Variants in KIAA0319 observed in about 807,000 individuals in gnomAD.
KIAA0319 encodes the protein dyslexia-associated protein KIAA0319.
A neutral mutation model predicts 108.4 loss-of-function variants in KIAA0319; 83 were observed. That is an observed-to-expected ratio of 0.77 (90% confidence interval 0.64 to 0.92). The LOEUF (loss-of-function observed/expected upper bound fraction) is 0.92. KIAA0319 is among the 40% of genes least tolerant of loss of function. The pLI, the probability that KIAA0319 is intolerant of heterozygous loss-of-function variation, is 0.00. For missense variants in KIAA0319, 1,195 were observed against 1,322.4 expected (o/e 0.90, Z 1.49); for synonymous variants, 484 against 510.4 (o/e 0.95, Z 0.70).
chr6:24,579,039 T>C (rs1031268069), intron 8 of KIAA0319, among the ~76,000 whole-genome samples: 2 of 152,222 alleles, frequency 1.3e-5, no homozygotes, highest in African/African-American at 4.8e-5. Context: ...GCTTGCAAGA[T>C]AGGGCAGCTT....
intron 17 of KIAA0319, among the ~76,000 whole-genome samples, chr6:24,558,365 CTAGATAGATAGA>C (rs59328032): frequency 0.043 from 6,514 of 150,870 alleles, 295 homozygotes; most frequent in African/African-American, 0.11. Flanking sequence ...ATATATATAT[CTAGATAGATAGA>C]TAGATAGATA....
At chr6:24,615,959 A>T (rs1322130551) in intron 1 of KIAA0319, among the ~76,000 whole-genome samples, 1 of 152,200 alleles carries the variant, frequency 6.6e-6, no homozygotes, top group Non-Finnish European at 1.5e-5. Context: ...AAAAAATATT[A>T]TCAGAAATAT....
In KIAA0319 at chr6:24,547,091, G is replaced by C; in HGVS notation, c.*74C>G. 1 of 1,450,594 alleles carries C rather than the reference G, an allele frequency of 6.9e-7. No individual in the cohort carries two copies. Among genetic ancestry groups the C allele is most frequent in the Non-Finnish European group, 9.6e-7 (1 of 1,041,008 alleles). 89.9% of individuals were successfully genotyped at this position (1,450,594 alleles called of 1,614,324 possible). On this transcript the variant is annotated 3_prime_UTR_variant, in exon 21 of 21. Transcript: ENST00000378214. ...GGTCAATGAACTATTCTAAAAGAGTGGGTTTTGTGCTGTAACTCCCACTGA... is the reference window on the plus strand; with the variant it reads ...GGTCAATGAACTATTCTAAAAGAGTCGGTTTTGTGCTGTAACTCCCACTGA...
chr6:24,548,196 T>C (rs1022375027), intron 20 of KIAA0319, among the ~76,000 whole-genome samples: 3 of 152,158 alleles, frequency 2.0e-5, no homozygotes, highest in African/African-American at 7.2e-5. Context: ...GTTGCAGAAC[T>C]TTCTCCTTAG....
At chr6:24,638,511 A>G (rs1467228443) in intron 1 of KIAA0319, among the ~76,000 whole-genome samples, 2 of 152,214 alleles carry the variant, frequency 1.3e-5, no homozygotes, top group Non-Finnish European at 2.9e-5. Flanking sequence ...CTGTAATCCC[A>G]GCACTTTGGG....
chr6:24,557,810 G>A (rs1456914755), intron 17 of KIAA0319, among the ~76,000 whole-genome samples: 2 of 147,074 alleles, frequency 1.4e-5, no homozygotes, highest in Admixed American at 6.7e-5. Flanking sequence ...TGCTGTGGCT[G>A]GTCTCAAACT....
In KIAA0319 at chr6:24,565,991, C is replaced by T. The variant is rs191038813; in HGVS notation, c.2292+606G>A. On this transcript the variant is annotated intron_variant, in intron 14 of 20. Transcript: ENST00000378214. ...TCAAAGTGCTTCCAAGCTATGGTTTCCTGCCCCATCCAAAGTCTGTTCAGG... is the reference window on the plus strand; with the variant it reads ...TCAAAGTGCTTCCAAGCTATGGTTTTCTGCCCCATCCAAAGTCTGTTCAGG... Among the ~76,000 whole-genome samples the T allele has an allele frequency of 8.5e-5, 13 of 152,286 alleles. No individual in the cohort carries two copies. The East Asian group carries it at 1.7e-3, about 20-fold the overall frequency.
In KIAA0319 at chr6:24,580,964, G is replaced by T. The variant is rs779822807; in HGVS notation, c.1241C>A (p.Ala414Asp). Reference protein sequence around the residue: ...VFKVTVSSENAFGEGFVNVTV... With the variant: ...VFKVTVSSENDFGEGFVNVTV... ...GACATTGACAAATCCTTCTCCAAAGGCGTTTTCACTAGAAACAGTGACTTT... is the reference window on the plus strand; with the variant it reads ...GACATTGACAAATCCTTCTCCAAAGTCGTTTTCACTAGAAACAGTGACTTT... Residue 414 changes from alanine to aspartate, a missense_variant, in exon 7 of 21, where the codon GCC (alanine) becomes GAC (aspartate). Physicochemically the swap from Ala to Asp is moderately radical, Grantham distance 126. Coordinates refer to ENST00000378214, the MANE Select transcript of KIAA0319 (RefSeq NM_014809.4). 2.5e-6 allele frequency: 4 copies of T among 1,613,066 alleles called. No homozygotes were observed. The highest frequency in any genetic ancestry group is 1.6e-4 in the Middle Eastern group (1 of 6,082).
intron 11 of KIAA0319, 41 bp downstream of exon 11, chr6:24,572,534 G>A: frequency 6.3e-7 from 1 of 1,599,726 alleles, no homozygotes; most frequent in Non-Finnish European, 8.5e-7. Context: ...TATCATTTCT[G>A]CTTTAATCTC....
chr6:24,613,462 C>G (rs1772686491), intron 1 of KIAA0319, among the ~76,000 whole-genome samples: 1 of 152,060 alleles, frequency 6.6e-6, no homozygotes, highest in Non-Finnish European at 1.5e-5. Flanking sequence ...CCATTTAGAA[C>G]TACAGCTCAT....
intron 20 of KIAA0319, among the ~76,000 whole-genome samples, chr6:24,550,793 AC>A (rs1216098148): frequency 4.7e-5 from 7 of 150,218 alleles, no homozygotes; most frequent in African/African-American, 1.7e-4. Flanking sequence ...GGTGCTGGGG[AC>A]ATCTCTGTTT....
At chr6:24,610,032 G>T (rs1240218390) in intron 1 of KIAA0319, among the ~76,000 whole-genome samples, 1 of 151,962 alleles carries the variant, frequency 6.6e-6, no homozygotes, top group Non-Finnish European at 1.5e-5. Flanking sequence ...TTATGCAATG[G>T]TTTCTTAAAT....
chr6:24,556,697 A>G lies in KIAA0319; in HGVS notation c.2767T>C (p.Cys923Arg), dbSNP rs774633095. Reference protein sequence around the residue: ...CLLKCSGHGHCDPLTKRCICS... With the variant: ...CLLKCSGHGHRDPLTKRCICS... Reference sequence around the variant, plus strand: ...ATGCAGCGCTTTGTGAGGGGGTCGCAGTGACCATGGCCAGAACACTTCAGA... The same window carrying G: ...ATGCAGCGCTTTGTGAGGGGGTCGCGGTGACCATGGCCAGAACACTTCAGA... Residue 923 changes from cysteine to arginine, a missense_variant, in exon 18 of 21, where the codon TGC (cysteine) becomes CGC (arginine). Coordinates refer to ENST00000378214, the MANE Select transcript of KIAA0319 (RefSeq NM_014809.4). 4 of 1,614,032 alleles carry G rather than the reference A, an allele frequency of 2.5e-6. No individual in the cohort carries two copies. Among genetic ancestry groups the G allele is most frequent in the Non-Finnish European group, 3.4e-6 (4 of 1,180,000 alleles).
intron 7 of KIAA0319, 123 bp downstream of exon 7, chr6:24,580,803 G>A: frequency 1.5e-6 from 1 of 669,744 alleles, no homozygotes; most frequent in Non-Finnish European, 2.6e-6. Flanking sequence ...CTCTACAATG[G>A]AGCCTAATAC....
chr6:24,629,461 G>A (rs1265276020), intron 1 of KIAA0319, among the ~76,000 whole-genome samples: 2 of 133,600 alleles, frequency 1.5e-5, no homozygotes, highest in South Asian at 4.9e-4. Flanking sequence ...CTTGCAATGA[G>A]CCGAGATCGT....
At chr6:24,626,924 A>G (rs1161009698) in intron 1 of KIAA0319, among the ~76,000 whole-genome samples, 2 of 152,140 alleles carry the variant, frequency 1.3e-5, no homozygotes, top group Non-Finnish European at 2.9e-5. Flanking sequence ...CAGGAAGGTA[A>G]TAAGGTTATT....
intron 6 of KIAA0319, 69 bp from the exon 7 acceptor site, chr6:24,581,082 T>G: frequency 1.0e-6 from 1 of 974,056 alleles, no homozygotes; most frequent in East Asian, 2.4e-5. Flanking sequence ...TAGAAAAAGC[T>G]AAAATGTCCC....
At chr6:24,626,686 C>T (rs1439280561) in intron 1 of KIAA0319, among the ~76,000 whole-genome samples, 1 of 152,118 alleles carries the variant, frequency 6.6e-6, no homozygotes, top group Non-Finnish European at 1.5e-5. Context: ...ATGTATTGAA[C>T]ACCTATGTTT....
intron 1 of KIAA0319, among the ~76,000 whole-genome samples, chr6:24,639,823 G>A (rs140850358): frequency 6.8e-5 from 10 of 146,360 alleles, no homozygotes; most frequent in African/African-American, 1.0e-4. Flanking sequence ...CTCCAGTCTG[G>A]GTGACAGAGT....
Sources: allele counts gnomAD v4.1 joint callset (sites outside exome capture counted in the v4.1 genomes callset), GRCh38; gene constraint gnomAD v4.1.1; transcripts MANE v1.5; gene names NCBI Gene and HGNC (gene_info 2026-07-23, HGNC 2026-07-21).